The following CDH8 variants were observed in gnomAD, a reference collection of about 807,000 sequenced individuals.
The protein encoded by CDH8 is cadherin-8.
Under a neutral mutation model 68.1 loss-of-function variants are expected in CDH8, and 17 were observed. The ratio of observed to expected loss-of-function variants is 0.25; its 90% CI spans 0.17 to 0.37. The LOEUF (loss-of-function observed/expected upper bound fraction) is 0.37. CDH8 is among the 10% of genes least tolerant of loss of function. The pLI, the probability that CDH8 is intolerant of heterozygous loss-of-function variation, is 1.00. For synonymous variants in CDH8, 372 were observed against 365.1 expected (o/e 1.02, Z -0.21); for missense variants, 763 against 999.3 (o/e 0.76, Z 3.19).
At chr16:61,809,002 A>G in intron 7 of CDH8, among the ~76,000 whole-genome samples, 1 of 152,162 alleles carries the variant, frequency 6.6e-6, no homozygotes, top group South Asian at 2.1e-4. Context: ...CTTGATCAAC[A>G]TGGAGAAACC....
At chr16:61,750,523 T>C (rs1009301626) in intron 8 of CDH8, among the ~76,000 whole-genome samples, 1 of 152,162 alleles carries the variant, frequency 6.6e-6, no homozygotes, top group African/African-American at 2.4e-5. Flanking sequence ...ATTTTCCATC[T>C]CACGTGGTTC....
At position 61,652,817 on chromosome 16, in the gene CDH8, T is replaced by G; in HGVS notation, c.*791A>C. On this transcript the variant is annotated 3_prime_UTR_variant, in exon 12 of 12. Transcript: ENST00000577390. ...CGCTAGCAATAAAACCATCTGTCTC[T>G]TATGTAGTCCACTGTGTGATACAGT... 2 of 1,456,042 alleles carry G rather than the reference T, an allele frequency of 1.4e-6. No individual in the cohort carries two copies. The highest frequency in any genetic ancestry group is 1.8e-6 in the Non-Finnish European group (2 of 1,105,676). 90.2% of individuals were successfully genotyped at this position (1,456,042 alleles called of 1,614,324 possible).
intron 2 of CDH8, among the ~76,000 whole-genome samples, chr16:61,902,456 G>T (rs1029576337): frequency 2.6e-5 from 4 of 151,716 alleles, no homozygotes; most frequent in Admixed American, 6.6e-5. Context: ...ATGTATTTGG[G>T]GGTTTGAATT....
intron 2 of CDH8, among the ~76,000 whole-genome samples, chr16:61,991,488 G>A (rs1278844215): frequency 6.6e-6 from 1 of 152,188 alleles, no homozygotes. Flanking sequence ...CACAGGGGAA[G>A]TTTACAAAAT....
chr16:61,705,461 T>G (rs993964046), intron 10 of CDH8, among the ~76,000 whole-genome samples: 3 of 152,178 alleles, frequency 2.0e-5, no homozygotes, highest in Non-Finnish European at 2.9e-5. Context: ...CCAAAGACAG[T>G]GATGTCTACG....
rs144879997 is a variant in CDH8 at position 61,674,608 on chromosome 16, T to A, written c.1655-18887A>T. Among the ~76,000 whole-genome samples, 603 of 152,034 alleles carry A rather than the reference T, an allele frequency of 4.0e-3. 17 individuals are homozygous for A. Among genetic ancestry groups the A allele is most frequent in the Admixed American group, 0.018 (273 of 15,258 alleles). ...TAAAACTCAGACAAAATTCAAGATATGTGAAGAAACAAAAATAAGTTATCT... is the reference window on the plus strand; with the variant it reads ...TAAAACTCAGACAAAATTCAAGATAAGTGAAGAAACAAAAATAAGTTATCT... On this transcript the variant is annotated intron_variant, in intron 10 of 11. Transcript: ENST00000577390.
intron 10 of CDH8, among the ~76,000 whole-genome samples, chr16:61,671,086 A>T (rs1963783439): frequency 6.6e-6 from 1 of 152,100 alleles, no homozygotes; most frequent in Non-Finnish European, 1.5e-5. Context: ...CTGAGCATAT[A>T]TTCATATAAA....
At chr16:61,983,799 G>T (rs1305191989) in intron 2 of CDH8, among the ~76,000 whole-genome samples, 1 of 152,122 alleles carries the variant, frequency 6.6e-6, no homozygotes, top group Non-Finnish European at 1.5e-5. Flanking sequence ...AGCATATTGA[G>T]GGCTCTCTTT....
chr16:61,768,383 T>TCTCTCC (rs1960680549), intron 8 of CDH8, among the ~76,000 whole-genome samples: 4 of 100,796 alleles, frequency 4.0e-5, no homozygotes, highest in Admixed American at 9.6e-5. Flanking sequence ...TCTCTCTCTC[T>TCTCTCC]CTCTCTCTCT....
intron 9 of CDH8, among the ~76,000 whole-genome samples, chr16:61,716,468 G>A (rs965550040): frequency 3.3e-5 from 5 of 151,680 alleles, no homozygotes; most frequent in African/African-American, 1.2e-4. Flanking sequence ...TTGAGCCACT[G>A]GAACTACTGA....
At chr16:61,910,859 G>GT (rs1306596440) in intron 2 of CDH8, among the ~76,000 whole-genome samples, 1 of 152,122 alleles carries the variant, frequency 6.6e-6, no homozygotes, top group African/African-American at 2.4e-5. Flanking sequence ...AAATAAGAAT[G>GT]TAACTTCTTG....
chr16:61,987,783 G>A (rs550532815), intron 2 of CDH8, among the ~76,000 whole-genome samples: 36 of 151,190 alleles, frequency 2.4e-4, no homozygotes, highest in South Asian at 4.2e-4. Context: ...TCGTTCATCC[G>A]TATATAGTTT....
chr16:61,923,649 T>C (rs1490586847), intron 2 of CDH8, among the ~76,000 whole-genome samples: 1 of 151,358 alleles, frequency 6.6e-6, no homozygotes, highest in East Asian at 1.9e-4. Flanking sequence ...CATATTCAAG[T>C]TCCCTGACCA....
rs1027425273 is a variant in CDH8 at position 61,856,589 on chromosome 16, G to T, written c.667+530C>A. On this transcript the variant is annotated intron_variant, in intron 4 of 11. Coordinates refer to ENST00000577390, the MANE Select transcript of CDH8 (RefSeq NM_001796.5). ...TAATATCTTCATAAGAGCTCTAATGGATATATATGTATTGTGTTTTACAAG... is the reference window on the plus strand; with the variant it reads ...TAATATCTTCATAAGAGCTCTAATGTATATATATGTATTGTGTTTTACAAG... 3.9e-5 allele frequency among the ~76,000 whole-genome samples: 6 copies of T among 152,028 alleles called. 1 individual carries two copies. In the East Asian group the frequency reaches 1.2e-3, roughly 29 times the overall value.
At chr16:61,864,939 C>T (rs1963225050) in intron 3 of CDH8, among the ~76,000 whole-genome samples, 1 of 152,178 alleles carries the variant, frequency 6.6e-6, no homozygotes, top group African/African-American at 2.4e-5. Context: ...GAGGCAGAGG[C>T]AGCATGTGCT....
At chr16:61,825,674 T>C (rs1962315870) in intron 4 of CDH8, among the ~76,000 whole-genome samples, 1 of 151,852 alleles carries the variant, frequency 6.6e-6, no homozygotes, top group Non-Finnish European at 1.5e-5. Context: ...TAGAATCAAC[T>C]CAGATGAATA....
intron 3 of CDH8, among the ~76,000 whole-genome samples, chr16:61,864,183 A>T (rs145199118): frequency 6.6e-6 from 1 of 152,170 alleles, no homozygotes; most frequent in Non-Finnish European, 1.5e-5. Context: ...GACAGAATTC[A>T]TTATTTATTA....
intron 2 of CDH8, among the ~76,000 whole-genome samples, chr16:61,984,936 CTA>C (rs1490931131): frequency 6.6e-6 from 1 of 152,078 alleles, no homozygotes; most frequent in Non-Finnish European, 1.5e-5. Flanking sequence ...ACCTATAGTG[CTA>C]TTTCTGTTTA....
chr16:61,976,461 A>G (rs12103139), intron 2 of CDH8, among the ~76,000 whole-genome samples: 6,354 of 152,196 alleles, frequency 0.042, 333 homozygotes, highest in African/African-American at 0.12. Context: ...TGATGAGTTC[A>G]GGTGGGAATT....
Sources: gnomAD v4.1 joint callset for allele counts (sites outside exome capture counted in the v4.1 genomes callset) on GRCh38, gnomAD v4.1.1 for gene constraint, MANE v1.5 for transcripts, NCBI Gene and HGNC (gene_info 2026-07-23, HGNC 2026-07-21) for gene names.